PEX13: variants seen among roughly 807,000 people sequenced by gnomAD.
The protein encoded by PEX13 is peroxisomal biogenesis factor 13, also known as peroxisome biogenesis factor 13.
PEX13 carries 28 observed loss-of-function variants against 34.5 expected under a neutral mutation model. The ratio of observed to expected loss-of-function variants is 0.81; its 90% CI spans 0.60 to 1.11. The LOEUF (loss-of-function observed/expected upper bound fraction) is 1.11, where lower values mean the gene tolerates loss of function less well. PEX13 is among the 50% of genes most tolerant of loss of function. The probability of loss-of-function intolerance (pLI) is 0.00; values close to 1 mark genes in which losing one functional copy is unlikely to be tolerated. For synonymous variants in PEX13, 177 were observed against 175.1 expected, an observed-to-expected ratio of 1.01 and a Z score of -0.09; for missense variants, 550 against 491.0, an observed-to-expected ratio of 1.12 and a Z score of -1.13.
intron 2 of PEX13, among the ~76,000 whole-genome samples, chr2:61,041,026 A>G (rs1573558422): frequency 6.6e-6 from 1 of 151,952 alleles, no homozygotes; most frequent in Non-Finnish European, 1.5e-5. Flanking sequence ...GGGTCCTAAG[A>G]TAGAGTCAGA....
intron 2 of PEX13, among the ~76,000 whole-genome samples, chr2:61,039,532 C>G (rs528938382): frequency 2.6e-5 from 4 of 152,292 alleles, no homozygotes; most frequent in African/African-American, 9.6e-5. Flanking sequence ...GAAAAACTGG[C>G]TAGCCATATG....
chr2:61,026,875 G>A (rs1376424864), intron 1 of PEX13, among the ~76,000 whole-genome samples: 1 of 151,970 alleles, frequency 6.6e-6, no homozygotes, highest in Non-Finnish European at 1.5e-5. Context: ...CTTCATGTGT[G>A]TGGCATTTTT....
At chr2:61,043,606 TAC>T (rs1680661528) in intron 2 of PEX13, among the ~76,000 whole-genome samples, 1 of 152,178 alleles carries the variant, frequency 6.6e-6, no homozygotes, top group African/African-American at 2.4e-5. Context: ...GTTTTGAAAA[TAC>T]AGTTTTTTTG....
intron 1 of PEX13, among the ~76,000 whole-genome samples, chr2:61,023,417 A>G (rs572509154): frequency 6.6e-6 from 1 of 151,480 alleles, no homozygotes; most frequent in African/African-American, 2.4e-5. Flanking sequence ...ACACACACAC[A>G]CACACACACA....
chr2:61,049,956 T>C lies in PEX13; in HGVS notation c.*1186T>C, dbSNP rs1051287309. On this transcript the variant is annotated 3_prime_UTR_variant, in exon 4 of 4. Transcript: ENST00000295030. The stretch of plus-strand genomic sequence containing the variant: ...AATATTTTCATAGATTGTTTGCTTC[T>C]ACCTTGTGTAATTTTTTAAATTCCA... 4 of 152,324 alleles carry C rather than the reference T, an allele frequency of 2.6e-5. No homozygotes were observed. Among genetic ancestry groups the C allele is most frequent in the Admixed American group, 6.5e-5 (1 of 15,278 alleles). The allele number at this position is 152,324 out of a possible 1,614,324, so 9.4% of individuals were successfully genotyped here.
chr2:61,035,636 A>T (rs1680522786), intron 2 of PEX13, among the ~76,000 whole-genome samples: 1 of 152,200 alleles, frequency 6.6e-6, no homozygotes, highest in Non-Finnish European at 1.5e-5. Flanking sequence ...AAATGACCTG[A>T]TGGAGCTAAA....
intron 1 of PEX13, among the ~76,000 whole-genome samples, chr2:61,028,544 G>A (rs1331702028): frequency 1.3e-5 from 2 of 151,780 alleles, no homozygotes; most frequent in South Asian, 2.1e-4. Context: ...CCACCACCAC[G>A]TCCGGCTAAT....
intron 2 of PEX13, among the ~76,000 whole-genome samples, chr2:61,034,764 T>C (rs1680508233): frequency 6.6e-6 from 1 of 152,220 alleles, no homozygotes; most frequent in Non-Finnish European, 1.5e-5. Flanking sequence ...AGGGCCAGCA[T>C]CTGCCATTGC....
Position 61,017,779 on chromosome 2 carries a change from C to T in PEX13, c.20C>T (p.Pro7Leu), listed in dbSNP as rs1303028765. Reference sequence around the variant, plus strand: ...GAGGAGATGGCGTCCCAGCCGCCACCTCCCCCCAAACCCTGGGAGACCCGC... The same window carrying T: ...GAGGAGATGGCGTCCCAGCCGCCACTTCCCCCCAAACCCTGGGAGACCCGC... MASQPP[P>L]PPKPWETRRI... The change falls in exon 1 of 4, where the codon CCT (proline) becomes CTT (leucine). Residue 7 changes from proline to leucine, a missense_variant. Physicochemically the swap from Pro to Leu is moderately conservative, Grantham distance 98. Transcript: ENST00000295030. The T allele has an allele frequency of 1.3e-6, 2 of 1,550,112 alleles. No individual in the cohort carries two copies. Among genetic ancestry groups the T allele is most frequent in the South Asian group, 2.4e-5 (2 of 83,954 alleles).
chr2:61,037,722 A>T (rs1477393472), intron 2 of PEX13, among the ~76,000 whole-genome samples: 3 of 152,226 alleles, frequency 2.0e-5, no homozygotes, highest in Admixed American at 2.0e-4. Context: ...AAGAGCAAAC[A>T]AATTCAAAAG....
Position 61,031,702 on chromosome 2 carries a change from A to C in PEX13, c.376A>C (p.Ser126Arg). 6.2e-7 allele frequency: 1 copy of C among 1,614,258 alleles called. No homozygotes were observed. Among genetic ancestry groups the C allele is most frequent in the Non-Finnish European group, 8.5e-7 (1 of 1,180,050 alleles). Residue 126 changes from serine (S) to arginine (R), a missense_variant, in exon 2 of 4, where the codon AGC becomes CGC. Transcript: ENST00000295030. The stretch of plus-strand genomic sequence containing the variant: ...ATTTGTTCAGCAAGCTGAAGAAAGC[A>C]GCAGGGGTGCATTTCAGTCCATTGA... Reference protein sequence around the residue: ...SRFVQQAEESSRGAFQSIESI... With the variant: ...SRFVQQAEESRRGAFQSIESI...
chr2:61,026,790 T>C (rs1023324945), intron 1 of PEX13, among the ~76,000 whole-genome samples: 1 of 152,260 alleles, frequency 6.6e-6, no homozygotes, highest in Non-Finnish European at 1.5e-5. Flanking sequence ...TGAGCTGTTA[T>C]ATAAAATTAG....
chr2:61,031,973 G>C lies in PEX13; in HGVS notation c.647G>C (p.Gly216Ala), dbSNP rs1461746467. 3 of 1,613,954 alleles carry C rather than the reference G, an allele frequency of 1.9e-6. No individual in the cohort carries two copies. The African/African-American group carries it at 4.0e-5, about 22-fold the overall frequency. The change falls in exon 2 of 4, where the codon GGA becomes GCA. Residue 216 changes from glycine (G) to alanine (A), a missense_variant. Coordinates refer to ENST00000295030, the MANE Select transcript of PEX13 (RefSeq NM_002618.4). ...GAAGACCTCTGGGCAGAGAGTGAAG[G>C]AACTGTGGCATGCCTTGGTGCTGAG... ...ENEDLWAESE[G>A]TVACLGAEDR...
chr2:61,039,947 C>G (rs1033814916), intron 2 of PEX13, among the ~76,000 whole-genome samples: 1 of 152,148 alleles, frequency 6.6e-6, no homozygotes, highest in Non-Finnish European at 1.5e-5. Context: ...ACAGATACTT[C>G]TCAAAAGAAG....
chr2:61,035,323 C>G (rs981980632), intron 2 of PEX13, among the ~76,000 whole-genome samples: 1 of 152,126 alleles, frequency 6.6e-6, no homozygotes, highest in Non-Finnish European at 1.5e-5. Context: ...TTGTAGGTTG[C>G]CAACATCAAA....
intron 2 of PEX13, among the ~76,000 whole-genome samples, chr2:61,036,087 G>A (rs781280794): frequency 6.6e-6 from 1 of 151,828 alleles, no homozygotes. Context: ...AGAGAAAAAA[G>A]AGTGAAAAGA....
chr2:61,038,190 G>A (rs979881568), intron 2 of PEX13, among the ~76,000 whole-genome samples: 3 of 152,196 alleles, frequency 2.0e-5, no homozygotes, highest in Non-Finnish European at 4.4e-5. Flanking sequence ...AGAGGAGCTG[G>A]TATCATTCCT....
chr2:61,019,923 TAAGC>T (rs1680221060), intron 1 of PEX13, among the ~76,000 whole-genome samples: 1 of 152,226 alleles, frequency 6.6e-6, no homozygotes, highest in Non-Finnish European at 1.5e-5. Context: ...GAATATTGTA[TAAGC>T]TACAATTGGT....
At chr2:61,025,981 C>T (rs1326526715) in intron 1 of PEX13, among the ~76,000 whole-genome samples, 4 of 152,098 alleles carry the variant, frequency 2.6e-5, no homozygotes, top group Non-Finnish European at 5.9e-5. Context: ...GCTCCTTAGC[C>T]CAGGGAGTCT....
Sources: allele counts gnomAD v4.1 joint callset (sites outside exome capture counted in the v4.1 genomes callset), GRCh38; gene constraint gnomAD v4.1.1; transcripts MANE v1.5; gene names NCBI Gene and HGNC (gene_info 2026-07-23, HGNC 2026-07-21).